The following ASTN2 variants were observed in gnomAD, a reference collection of about 807,000 sequenced individuals.
ASTN2 encodes the protein astrotactin-2.
A neutral mutation model predicts 139.8 loss-of-function variants in ASTN2; 54 were observed. The observed-to-expected ratio is 0.39, with a 90% CI of 0.31 to 0.48. The LOEUF (loss-of-function observed/expected upper bound fraction) is 0.48. Among genes scored for constraint, ASTN2 ranks in the 20% least tolerant of loss-of-function variants. ASTN2 has a pLI of 0.95. For synonymous variants in ASTN2, 756 were observed against 719.5 expected (o/e 1.05, Z -0.81); for missense variants, 1,565 against 1,725.1 (o/e 0.91, Z 1.64).
chr9:116,830,414 GT>G (rs57045679), intron 11 of ASTN2, among the ~76,000 whole-genome samples: 120,405 of 151,690 alleles, frequency 0.79, 47,969 homozygotes, highest in East Asian at 0.92. Flanking sequence ...CAGTATGAAG[GT>G]TTTTTTTTAA....
intron 10 of ASTN2, among the ~76,000 whole-genome samples, chr9:116,868,965 A>T (rs1376484680): frequency 6.6e-6 from 1 of 152,138 alleles, no homozygotes; most frequent in Non-Finnish European, 1.5e-5. Flanking sequence ...CAGGTGGATC[A>T]CCTGAGGTCA....
At chr9:116,895,219 A>T (rs1053818532) in intron 10 of ASTN2, among the ~76,000 whole-genome samples, 1 of 152,218 alleles carries the variant, frequency 6.6e-6, no homozygotes, top group Non-Finnish European at 1.5e-5. Context: ...AGGATTGTTA[A>T]AACTATTGTA....
chr9:116,810,074 AT>A (rs1383812253), intron 12 of ASTN2, among the ~76,000 whole-genome samples: 1 of 152,212 alleles, frequency 6.6e-6, no homozygotes, highest in Non-Finnish European at 1.5e-5. Flanking sequence ...CCGTGCACAA[AT>A]AAGAAACTAG....
At chr9:116,778,041 T>C (rs944870065) in intron 13 of ASTN2, among the ~76,000 whole-genome samples, 2 of 152,050 alleles carry the variant, frequency 1.3e-5, no homozygotes, top group African/African-American at 4.8e-5. Flanking sequence ...GAGACGGGGT[T>C]TCACCATATT....
intron 1 of ASTN2, among the ~76,000 whole-genome samples, chr9:117,315,403 C>T (rs1828113214): frequency 6.6e-6 from 1 of 152,156 alleles, no homozygotes; most frequent in Non-Finnish European, 1.5e-5. Context: ...CTTTGCCAGC[C>T]CTCTCCCAGC....
chr9:117,275,944 C>A (rs546518185), intron 2 of ASTN2, among the ~76,000 whole-genome samples: 1 of 152,142 alleles, frequency 6.6e-6, no homozygotes, highest in Non-Finnish European at 1.5e-5. Flanking sequence ...AATACAGTCA[C>A]ATTAGGGGTT....
intron 6 of ASTN2, among the ~76,000 whole-genome samples, chr9:117,027,054 A>T (rs1838109056): frequency 6.6e-6 from 1 of 152,192 alleles, no homozygotes; most frequent in Non-Finnish European, 1.5e-5. Flanking sequence ...TACTGAATGC[A>T]AAAAGTAGTA....
At chr9:116,670,108 A>T (rs563959265) in intron 16 of ASTN2, among the ~76,000 whole-genome samples, 1 of 152,192 alleles carries the variant, frequency 6.6e-6, no homozygotes, top group South Asian at 2.1e-4. Flanking sequence ...CCCAGCCTGC[A>T]CTACTTCTCA....
intron 19 of ASTN2, among the ~76,000 whole-genome samples, chr9:116,572,053 T>C (rs1301938852): frequency 2.0e-5 from 3 of 152,264 alleles, no homozygotes; most frequent in Admixed American, 2.0e-4. Context: ...GCATGCTGTG[T>C]CTGTGTGGGG....
chr9:117,010,730 G>A (rs1237015669), intron 6 of ASTN2, among the ~76,000 whole-genome samples: 1 of 152,182 alleles, frequency 6.6e-6, no homozygotes, highest in Non-Finnish European at 1.5e-5. Context: ...ATTCTTGTAA[G>A]AGGATGAGCA....
At chr9:116,820,175 A>G (rs890463135) in intron 12 of ASTN2, among the ~76,000 whole-genome samples, 6 of 152,142 alleles carry the variant, frequency 3.9e-5, no homozygotes, top group Admixed American at 3.9e-4. Flanking sequence ...GTGCCCTCAC[A>G]TTGCTACATT....
At chr9:116,977,759 C>T (rs1206512812) in intron 7 of ASTN2, among the ~76,000 whole-genome samples, 2 of 149,084 alleles carry the variant, frequency 1.3e-5, no homozygotes, top group Non-Finnish European at 3.0e-5. Context: ...CTCCATCACC[C>T]AGACTGGAGT....
At chr9:116,793,484 G>A (rs1830609141) in intron 13 of ASTN2, among the ~76,000 whole-genome samples, 1 of 152,158 alleles carries the variant, frequency 6.6e-6, no homozygotes, top group Admixed American at 6.5e-5. Context: ...AGCTCTCCAA[G>A]AGCTATGAGT....
chr9:117,058,681 C>T (rs1051038490), intron 5 of ASTN2, among the ~76,000 whole-genome samples: 6 of 152,164 alleles, frequency 3.9e-5, no homozygotes, highest in African/African-American at 1.4e-4. Context: ...AGAAATTGAG[C>T]CAGATACTGC....
chr9:116,993,425 T>C (rs1021085419), intron 7 of ASTN2, among the ~76,000 whole-genome samples: 3 of 151,860 alleles, frequency 2.0e-5, no homozygotes, highest in Non-Finnish European at 4.4e-5. Flanking sequence ...CAACCATTTC[T>C]GCAACATGTA....
chr9:116,481,558 G>A (rs1296976114), intron 20 of ASTN2, among the ~76,000 whole-genome samples: 1 of 152,152 alleles, frequency 6.6e-6, no homozygotes, highest in African/African-American at 2.4e-5. Flanking sequence ...CTTTCCTGTT[G>A]CTGCTTTTTG....
At chr9:116,680,158 T>C (rs1414192598) in intron 16 of ASTN2, among the ~76,000 whole-genome samples, 17 of 151,362 alleles carry the variant, frequency 1.1e-4, no homozygotes, top group Admixed American at 3.3e-4. Flanking sequence ...GAGAGAAGAA[T>C]CAAATAGACG....
chr9:116,451,700 G>C (rs1848179782), intron 20 of ASTN2, among the ~76,000 whole-genome samples: 1 of 152,028 alleles, frequency 6.6e-6, no homozygotes, highest in South Asian at 2.1e-4. Context: ...TGCAAACTGG[G>C]ATTGTCAACC....
At chr9:117,148,249 C>A (rs1303035702) in intron 3 of ASTN2, among the ~76,000 whole-genome samples, 1 of 152,168 alleles carries the variant, frequency 6.6e-6, no homozygotes, top group Non-Finnish European at 1.5e-5. Flanking sequence ...ACTTTTGCAA[C>A]CCCTGGTATC....
Sources: gnomAD v4.1 joint callset for allele counts (sites outside exome capture counted in the v4.1 genomes callset) on GRCh38, gnomAD v4.1.1 for gene constraint, MANE v1.5 for transcripts, NCBI Gene and HGNC (gene_info 2026-07-23, HGNC 2026-07-21) for gene names.